ADAMTSL1: variants seen among roughly 807,000 people sequenced by gnomAD.
The protein encoded by ADAMTSL1 is ADAMTS like 1.
Under a neutral mutation model 201.8 loss-of-function variants are expected in ADAMTSL1, and 126 were observed. That is an observed-to-expected ratio of 0.62 (90% CI 0.54 to 0.72). The LOEUF is 0.72. ADAMTSL1 is among the 30% of genes least tolerant of loss of function. ADAMTSL1 has a pLI of 0.00. For synonymous variants in ADAMTSL1, 1,121 were observed against 903.4 expected (o/e 1.24, Z -4.32); for missense variants, 2,679 against 2,277.8 (o/e 1.18, Z -3.59).
intron 1 of ADAMTSL1, among the ~76,000 whole-genome samples, chr9:17,977,716 A>G (rs371652276): frequency 6.6e-6 from 1 of 152,088 alleles, no homozygotes; most frequent in African/African-American, 2.4e-5. Context: ...AAGGTCTAAC[A>G]TACAATCTAT....
chr9:18,250,775 C>T (rs1563835163), intron 2 of ADAMTSL1, among the ~76,000 whole-genome samples: 6 of 152,126 alleles, frequency 3.9e-5, no homozygotes, highest in Admixed American at 3.3e-4. Context: ...CACCCCGCTC[C>T]ATGTTCGAGG....
chr9:18,840,866 T>A (rs2131317094), intron 23 of ADAMTSL1, among the ~76,000 whole-genome samples: 2 of 149,522 alleles, frequency 1.3e-5, no homozygotes, highest in East Asian at 3.9e-4. Flanking sequence ...AGAATGCTTG[T>A]GATTTTTGTA....
intron 2 of ADAMTSL1, among the ~76,000 whole-genome samples, chr9:18,197,980 C>T (rs1268449330): frequency 1.3e-5 from 2 of 152,032 alleles, no homozygotes; most frequent in Non-Finnish European, 2.9e-5. Context: ...TGATCTTTGA[C>T]AAACCTGAGA....
chr9:18,838,519 T>C (rs1353770406), intron 23 of ADAMTSL1, among the ~76,000 whole-genome samples: 2 of 151,644 alleles, frequency 1.3e-5, no homozygotes, highest in Admixed American at 6.6e-5. Context: ...AGTTTAAAAA[T>C]AAATAAATAA....
At chr9:18,245,284 T>C (rs771308701) in intron 2 of ADAMTSL1, among the ~76,000 whole-genome samples, 10 of 152,208 alleles carry the variant, frequency 6.6e-5, no homozygotes, top group African/African-American at 9.6e-5. Context: ...ATGAGTAATT[T>C]AAAATATTGT....
chr9:18,594,715 C>G (rs1318115755), intron 4 of ADAMTSL1, among the ~76,000 whole-genome samples: 1 of 152,086 alleles, frequency 6.6e-6, no homozygotes. Context: ...TGAATGAACT[C>G]TCTGTCTCTT....
intron 1 of ADAMTSL1, among the ~76,000 whole-genome samples, chr9:18,051,247 G>A (rs1821924495): frequency 1.3e-5 from 2 of 152,178 alleles, no homozygotes; most frequent in Non-Finnish European, 2.9e-5. Context: ...GTTGTAGTGA[G>A]CTGAGATGGT....
intron 1 of ADAMTSL1, among the ~76,000 whole-genome samples, chr9:18,060,831 A>G (rs1822417001): frequency 6.6e-6 from 1 of 152,192 alleles, no homozygotes; most frequent in African/African-American, 2.4e-5. Flanking sequence ...TTCAGTATAT[A>G]TACACATTAC....
chr9:18,081,905 G>T (rs1441225819), intron 1 of ADAMTSL1, among the ~76,000 whole-genome samples: 1 of 152,170 alleles, frequency 6.6e-6, no homozygotes, highest in Non-Finnish European at 1.5e-5. Flanking sequence ...ATAAACTCAG[G>T]TAAACATTTT....
intron 2 of ADAMTSL1, among the ~76,000 whole-genome samples, chr9:18,524,398 T>G (rs1818900013): frequency 6.6e-6 from 1 of 152,208 alleles, no homozygotes; most frequent in South Asian, 2.1e-4. Context: ...AGGGACAATT[T>G]GACTTCCTCT....
intron 1 of ADAMTSL1, among the ~76,000 whole-genome samples, chr9:18,105,696 C>T (rs1475779865): frequency 6.6e-6 from 1 of 152,172 alleles, no homozygotes; most frequent in East Asian, 1.9e-4. Context: ...GGGCTGTTTC[C>T]ATGGCGAAGA....
chr9:18,658,009 C>T (rs969641640), intron 8 of ADAMTSL1, among the ~76,000 whole-genome samples: 1 of 143,810 alleles, frequency 7.0e-6, no homozygotes, highest in Non-Finnish European at 1.5e-5. Context: ...GAGTCTCGCA[C>T]TGTCGCCCAG....
intron 2 of ADAMTSL1, among the ~76,000 whole-genome samples, chr9:18,439,188 T>C (rs1228498746): frequency 6.6e-6 from 1 of 152,098 alleles, no homozygotes; most frequent in Non-Finnish European, 1.5e-5. Context: ...TCCCTCATCA[T>C]GGTCTAGAAA....
chr9:18,683,819 G>C (rs1830665695), intron 12 of ADAMTSL1, among the ~76,000 whole-genome samples: 1 of 152,208 alleles, frequency 6.6e-6, no homozygotes, highest in Non-Finnish European at 1.5e-5. Context: ...TCACAACCAA[G>C]GAGTGAGCCT....
intron 1 of ADAMTSL1, among the ~76,000 whole-genome samples, chr9:17,933,172 C>T (rs185386916): frequency 1.3e-5 from 2 of 152,212 alleles, no homozygotes; most frequent in Non-Finnish European, 1.5e-5. Context: ...TACCGTGGCC[C>T]TGGGGAAGGA....
At chr9:18,559,451 G>A (rs1821330256) in intron 3 of ADAMTSL1, among the ~76,000 whole-genome samples, 1 of 152,098 alleles carries the variant, frequency 6.6e-6, no homozygotes, top group South Asian at 2.1e-4. Context: ...GATACCTCCA[G>A]CTTTGTTCTT....
intron 2 of ADAMTSL1, among the ~76,000 whole-genome samples, chr9:18,375,725 T>A (rs1479120572): frequency 6.6e-6 from 1 of 152,162 alleles, no homozygotes; most frequent in East Asian, 1.9e-4. Context: ...AGAACAAACC[T>A]CCCATAGCAT....
intron 1 of ADAMTSL1, among the ~76,000 whole-genome samples, chr9:18,047,550 G>T (rs1821722615): frequency 6.6e-6 from 1 of 152,078 alleles, no homozygotes; most frequent in Non-Finnish European, 1.5e-5. Context: ...AAGTGAAGGG[G>T]TCTTGTGGTG....
At chr9:18,103,936 A>G (rs1423480055) in intron 1 of ADAMTSL1, among the ~76,000 whole-genome samples, 1 of 152,232 alleles carries the variant, frequency 6.6e-6, no homozygotes, top group Non-Finnish European at 1.5e-5. Context: ...TCTGTGATGT[A>G]TTAGCATATT....
Sources: gnomAD v4.1 joint callset for allele counts (sites outside exome capture counted in the v4.1 genomes callset) on GRCh38, gnomAD v4.1.1 for gene constraint, MANE v1.5 for transcripts, NCBI Gene and HGNC (gene_info 2026-07-23, HGNC 2026-07-21) for gene names.